The following DYNC2H1 variants were observed in gnomAD, a reference collection of about 807,000 sequenced individuals.
The protein encoded by DYNC2H1 is dynein cytoplasmic 2 heavy chain 1, also known as cytoplasmic dynein 2 heavy chain 1.
DYNC2H1 carries 410 observed loss-of-function variants against 570.0 expected under a neutral mutation model. That is an observed-to-expected ratio of 0.72 (90% confidence interval 0.66 to 0.78). The LOEUF is 0.78. Among genes scored for constraint, DYNC2H1 ranks in the 30% least tolerant of loss-of-function variants. The pLI is 0.00. For missense variants in DYNC2H1, 4,865 were observed against 5,046.4 expected (o/e 0.96, Z 1.09); for synonymous variants, 1,688 against 1,677.6 (o/e 1.01, Z -0.15).
chr11:103,154,758 AG>A lies in DYNC2H1; in HGVS notation c.3523del (p.Glu1175AsnfsTer4). On this transcript the variant is annotated frameshift_variant, in exon 24 of 89. Transcript: ENST00000375735. LOFTEE classifies it high-confidence loss of function. ...NWHDRLRKVE[E>X]HSVMTVKLQS... is the part of the protein sequence containing the mutation. ...GGCATGACAGATTAAGGAAGGTTGA[AG>A]AACATTCAGTGATGACAGTGAAATT... The A allele has an allele frequency of 6.4e-7, 1 of 1,568,806 alleles. No homozygotes were observed. The highest frequency in any genetic ancestry group is 2.3e-5 in the East Asian group (1 of 43,004).
chr11:103,393,169 CCATGG>C lies in DYNC2H1; in HGVS notation c.12157-6491_12157-6487del, dbSNP rs1942245460. 2.0e-5 allele frequency among the ~76,000 whole-genome samples: 3 copies of C among 152,322 alleles called. No homozygotes were observed. The South Asian group carries it at 6.2e-4, about 32-fold the overall frequency. On this transcript the variant is annotated intron_variant, in intron 83 of 88. Coordinates refer to ENST00000375735, the MANE Select transcript of DYNC2H1 (RefSeq NM_001377.3). The stretch of plus-strand genomic sequence containing the variant: ...AAAGTGCTGGGATTACAGGTGTGAG[CCATGG>C]CACCCAGCCAGAACTTAAAATGTAA...
chr11:103,380,907 A>G lies in DYNC2H1; in HGVS notation c.12157-18756A>G, dbSNP rs554210895. Among the ~76,000 whole-genome samples the G allele has an allele frequency of 8.5e-5, 13 of 152,312 alleles. No individual in the cohort carries two copies. The South Asian group carries it at 2.7e-3, about 32-fold the overall frequency. The stretch of plus-strand genomic sequence containing the variant: ...AAAGGTGGAATGGTATACCAGGGAA[A>G]AGGAAATACCTGCCATGTTTGTTAT... On this transcript the variant is annotated intron_variant, in intron 83 of 88. Coordinates refer to ENST00000375735, the MANE Select transcript of DYNC2H1 (RefSeq NM_001377.3).
At position 103,133,182 on chromosome 11, in the gene DYNC2H1, A is replaced by G. The variant is rs1313211355; in HGVS notation, c.1954-373A>G. ...GGAGGTTTTTGAGTCTGTGCCTGTC[A>G]GTGGTTCCAGATTGGAATCTTCTCT... On this transcript the variant is annotated intron_variant, in intron 13 of 88. Transcript: ENST00000375735. The surrounding 1 kb of genome is among the most constrained non-coding windows in gnomAD (Gnocchi z 4.8). Among the ~76,000 whole-genome samples the G allele has an allele frequency of 6.6e-6, 1 of 152,160 alleles. No homozygotes were observed. The highest frequency in any genetic ancestry group is 1.5e-5 in the Non-Finnish European group (1 of 68,022).
chr11:103,122,694 T>A, intron 10 of DYNC2H1, 131 bp from the exon 11 acceptor site: 3 of 785,508 alleles, frequency 3.8e-6, no homozygotes, highest in Non-Finnish European at 5.8e-6. Context: ...TTGGTGAATC[T>A]TCCGTTTCAC....
intron 85 of DYNC2H1, among the ~76,000 whole-genome samples, chr11:103,450,902 A>G (rs1944575853): frequency 6.6e-6 from 1 of 152,156 alleles, no homozygotes; most frequent in South Asian, 2.1e-4. Context: ...TATGTATTTA[A>G]ATAATGTTTT....
At chr11:103,310,754 A>G (rs1328454313) in intron 78 of DYNC2H1, among the ~76,000 whole-genome samples, 1 of 123,232 alleles carries the variant, frequency 8.1e-6, no homozygotes, top group African/African-American at 3.0e-5. Context: ...TAATCTTTGT[A>G]ATCTTGGCTC....
chr11:103,373,335 AG>A (rs1218080621), intron 83 of DYNC2H1, among the ~76,000 whole-genome samples: 3 of 152,210 alleles, frequency 2.0e-5, no homozygotes, highest in Non-Finnish European at 4.4e-5. Context: ...TGCTCATAAA[AG>A]TCTCTTATGA....
At chr11:103,283,267 T>G (rs1196924983) in intron 73 of DYNC2H1, among the ~76,000 whole-genome samples, 182 bp downstream of exon 73, 2 of 152,140 alleles carry the variant, frequency 1.3e-5, no homozygotes, top group Non-Finnish European at 2.9e-5. Context: ...TATTAAACCT[T>G]TCATTTATGA....
chr11:103,149,786 G>C (rs928657797), intron 20 of DYNC2H1, among the ~76,000 whole-genome samples: 18 of 151,716 alleles, frequency 1.2e-4, no homozygotes, highest in Non-Finnish European at 2.9e-5. Flanking sequence ...GTGTGTGTGA[G>C]AGAGAGTGAG....
chr11:103,438,779 A>G (rs1339419837), intron 85 of DYNC2H1, among the ~76,000 whole-genome samples: 2 of 152,114 alleles, frequency 1.3e-5, no homozygotes, highest in Non-Finnish European at 2.9e-5. Context: ...AGATATCAGG[A>G]TTAGTAAGTA....
chr11:103,279,768 AC>A (rs1259550581), intron 70 of DYNC2H1, among the ~76,000 whole-genome samples: 1 of 152,120 alleles, frequency 6.6e-6, no homozygotes, highest in Non-Finnish European at 1.5e-5. Context: ...GTATTATCTA[AC>A]CTCAATTAGT....
chr11:103,162,036 C>T (rs1293296843), intron 29 of DYNC2H1, among the ~76,000 whole-genome samples: 4 of 152,124 alleles, frequency 2.6e-5, no homozygotes, highest in African/African-American at 9.7e-5. Context: ...ATTTGCTAAT[C>T]ATATTTGGTT....
At chr11:103,454,412 A>G (rs1021742385) in intron 85 of DYNC2H1, among the ~76,000 whole-genome samples, 3 of 150,442 alleles carry the variant, frequency 2.0e-5, no homozygotes, top group African/African-American at 7.3e-5. Flanking sequence ...ATTACAGAGA[A>G]ACAAGTCACT....
chr11:103,400,981 A>C (rs2135650430), intron 84 of DYNC2H1, among the ~76,000 whole-genome samples: 1 of 152,304 alleles, frequency 6.6e-6, no homozygotes, highest in South Asian at 2.1e-4. Context: ...ATTGTAACTA[A>C]GTTGTTTTTA....
chr11:103,384,724 T>C (rs1335978379), intron 83 of DYNC2H1, among the ~76,000 whole-genome samples: 1 of 152,162 alleles, frequency 6.6e-6, no homozygotes, highest in Non-Finnish European at 1.5e-5. Context: ...GCAGTTATGA[T>C]TTTATATTTT....
intron 70 of DYNC2H1, among the ~76,000 whole-genome samples, chr11:103,272,406 C>A (rs893867078): frequency 1.3e-5 from 2 of 151,922 alleles, no homozygotes; most frequent in Non-Finnish European, 2.9e-5. Context: ...GGGAACATCA[C>A]ACACCAGGGC....
rs370818073 is a variant in DYNC2H1, at chr11:103,125,052, A to G, written c.1662-48A>G. The G allele has an allele frequency of 3.4e-4, 490 of 1,458,664 alleles. 1 individual carries two copies. The highest frequency in any genetic ancestry group is 4.1e-4 in the Non-Finnish European group (432 of 1,061,636). The allele number at this position is 1,458,664 out of a possible 1,614,324, so 90.4% of individuals were successfully genotyped here. Reference sequence around the variant, plus strand: ...AAAAACCTATTGTGTTTATTAGTCAAAACAGTGAGAACATGAAACTTAACA... The same window carrying G: ...AAAAACCTATTGTGTTTATTAGTCAGAACAGTGAGAACATGAAACTTAACA... On this transcript the variant is annotated intron_variant, in intron 11 of 88. Transcript: ENST00000375735.
At chr11:103,347,233 G>A (rs868651965) in intron 82 of DYNC2H1, among the ~76,000 whole-genome samples, 28 of 152,160 alleles carry the variant, frequency 1.8e-4, no homozygotes, top group African/African-American at 5.6e-4. Flanking sequence ...AGAGGCAAGC[G>A]AGAAGGGCTT....
intron 12 of DYNC2H1, among the ~76,000 whole-genome samples, chr11:103,125,584 C>A (rs1165813774): frequency 6.6e-6 from 1 of 152,126 alleles, no homozygotes; most frequent in African/African-American, 2.4e-5. Context: ...AAAGGGCCTT[C>A]TAATTAAGGA....
Sources: gnomAD v4.1 joint callset for allele counts (sites outside exome capture counted in the v4.1 genomes callset) on GRCh38, gnomAD v4.1.1 for gene constraint, Gnocchi (gnomAD v3.1) non-coding constraint, MANE v1.5 for transcripts, NCBI Gene and HGNC (gene_info 2026-07-23, HGNC 2026-07-21) for gene names.